RPRD1A: variants seen among roughly 807,000 people sequenced by gnomAD.
RPRD1A encodes the protein regulation of nuclear pre-mRNA domain containing 1A, also known as regulation of nuclear pre-mRNA domain-containing protein 1A.
RPRD1A carries 9 observed loss-of-function variants against 37.8 expected under a neutral mutation model. The observed-to-expected ratio is 0.24, with a 90% CI of 0.14 to 0.42. RPRD1A has a LOEUF of 0.42. Among genes scored for constraint, RPRD1A ranks in the 10% least tolerant of loss-of-function variants. The probability of loss-of-function intolerance (pLI) is 1.00; values close to 1 mark genes in which losing one functional copy is unlikely to be tolerated. For synonymous variants in RPRD1A, 138 were observed against 139.7 expected (o/e 0.99, Z 0.08); for missense variants, 255 against 371.0 (o/e 0.69, Z 2.57).
chr18:36,007,594 A>G (rs1016484215), intron 6 of RPRD1A, among the ~76,000 whole-genome samples: 2 of 152,176 alleles, frequency 1.3e-5, no homozygotes, highest in Admixed American at 1.3e-4. Flanking sequence ...AAGTTGATAA[A>G]AATGAGATCA....
chr18:36,062,342 A>AAAC (rs2088931901), intron 1 of RPRD1A, among the ~76,000 whole-genome samples: 1 of 151,014 alleles, frequency 6.6e-6, no homozygotes, highest in African/African-American at 2.4e-5. Flanking sequence ...AAAAAAAAAA[A>AAAC]AAAAAACATG....
intron 6 of RPRD1A, among the ~76,000 whole-genome samples, chr18:36,010,725 G>A (rs571790023): frequency 1.2e-4 from 18 of 152,274 alleles, no homozygotes; most frequent in Middle Eastern, 3.4e-3. Context: ...AAAACACTTC[G>A]CACCAACTTG....
chr18:36,000,569 T>C (rs977406921), intron 6 of RPRD1A, among the ~76,000 whole-genome samples: 2 of 152,210 alleles, frequency 1.3e-5, no homozygotes, highest in African/African-American at 4.8e-5. Flanking sequence ...GTTAAATTAT[T>C]AGGGTAGATG....
intron 6 of RPRD1A, among the ~76,000 whole-genome samples, chr18:35,998,651 TG>T (rs1324950213): frequency 6.6e-6 from 1 of 152,208 alleles, no homozygotes; most frequent in Non-Finnish European, 1.5e-5. Context: ...TCAATTCCAC[TG>T]ATCATATCCA....
chr18:36,019,101 GA>G (rs1451778328), intron 6 of RPRD1A, among the ~76,000 whole-genome samples: 1 of 138,006 alleles, frequency 7.2e-6, no homozygotes, highest in African/African-American at 2.8e-5. Flanking sequence ...GGGGACCATT[GA>G]TTTTTTTTTT....
In RPRD1A at chr18:36,062,744, T is replaced by TA. The variant is rs570348106; in HGVS notation, c.151+4509_151+4510insT. On this transcript the variant is annotated intron_variant, in intron 1 of 6. Transcript: ENST00000399022. ...ATATGAAATGGTAAAAATAGTCCAATCTATAGAGGCAAAGTAAATTAGCAG... is the reference window on the plus strand; with the variant it reads ...ATATGAAATGGTAAAAATAGTCCAATACTATAGAGGCAAAGTAAATTAGCAG... Among the ~76,000 whole-genome samples, 30 of 152,228 alleles carry TA rather than the reference T, an allele frequency of 2.0e-4. No homozygotes were observed. In the East Asian group the frequency reaches 5.8e-3, roughly 29 times the overall value.
rs538339637 is a variant in RPRD1A, at chr18:36,053,088, G to A, written c.151+14166C>T. ...GTTGTCATGAGAGTCTGGAGACTAG[G>A]GGATAGAGGAGAAATAGAGAAAAGA... On this transcript the variant is annotated intron_variant, in intron 1 of 6. Transcript: ENST00000399022. Among the ~76,000 whole-genome samples the A allele has an allele frequency of 1.7e-4, 26 of 152,132 alleles. 1 individual carries two copies. The South Asian group carries it at 5.4e-3, about 32-fold the overall frequency.
intron 2 of RPRD1A, among the ~76,000 whole-genome samples, chr18:36,032,800 C>G (rs758960389): frequency 6.6e-6 from 1 of 151,882 alleles, no homozygotes; most frequent in African/African-American, 2.4e-5. Context: ...GGGACAAGTA[C>G]GGTGGGAAGC....
intron 6 of RPRD1A, among the ~76,000 whole-genome samples, chr18:36,010,458 A>G (rs900119274): frequency 3.9e-5 from 6 of 152,276 alleles, no homozygotes; most frequent in African/African-American, 1.2e-4. Context: ...GTGCCACTGC[A>G]CTCCAGCCTG....
intron 1 of RPRD1A, among the ~76,000 whole-genome samples, chr18:36,040,173 G>C (rs1912482133): frequency 6.6e-6 from 1 of 152,098 alleles, no homozygotes; most frequent in Non-Finnish European, 1.5e-5. Context: ...GTTTGAGTTA[G>C]GTGGAACTAT....
intron 6 of RPRD1A, among the ~76,000 whole-genome samples, chr18:36,016,760 CAGTT>C (rs899792340): frequency 5.9e-5 from 9 of 152,098 alleles, no homozygotes; most frequent in East Asian, 1.9e-4. Flanking sequence ...AAACGCTAAA[CAGTT>C]AGCTGGCTAA....
At chr18:36,041,698 T>C (rs934138456) in intron 1 of RPRD1A, among the ~76,000 whole-genome samples, 6 of 152,242 alleles carry the variant, frequency 3.9e-5, no homozygotes, top group African/African-American at 1.2e-4. Flanking sequence ...GCCTGTGGCA[T>C]TGTGGGGAAG....
chr18:36,006,474 G>C (rs754396091), intron 6 of RPRD1A, among the ~76,000 whole-genome samples: 4 of 152,216 alleles, frequency 2.6e-5, no homozygotes, highest in Admixed American at 1.3e-4. Flanking sequence ...GGCATTACAG[G>C]CATGAGCCAC....
At chr18:36,039,680 CTAAAT>C (rs1346685507) in intron 1 of RPRD1A, among the ~76,000 whole-genome samples, 4 of 152,172 alleles carry the variant, frequency 2.6e-5, no homozygotes, top group Non-Finnish European at 2.9e-5. Flanking sequence ...ATATCATAAT[CTAAAT>C]TAATCATCCA....
chr18:36,027,459 T>C (rs1034771288), intron 4 of RPRD1A, 149 bp from the exon 5 acceptor site: 41 of 768,852 alleles, frequency 5.3e-5, no homozygotes, highest in Admixed American at 1.7e-4. Flanking sequence ...ATTTCTTTCA[T>C]ATGTTAAGAA....
chr18:35,998,349 T>C, intron 6 of RPRD1A, among the ~76,000 whole-genome samples: 1 of 146,594 alleles, frequency 6.8e-6, no homozygotes, highest in South Asian at 2.2e-4. Context: ...AGAATGAAAC[T>C]GTCTCAAAAA....
Position 35,991,305 on chromosome 18 carries a change from G to A in RPRD1A, c.*1846C>T, listed in dbSNP as rs4799835. The stretch of plus-strand genomic sequence containing the variant: ...CTTACTTAGTATACTTTCATAACAT[G>A]TACAACCAGGTTTCATAATTGTGCA... On this transcript the variant is annotated 3_prime_UTR_variant, in exon 7 of 7. Coordinates refer to ENST00000399022, the MANE Select transcript of RPRD1A (RefSeq NM_018170.5). The A allele has an allele frequency of 0.22, 33,178 of 152,014 alleles. 3,660 individuals carry two copies. Among genetic ancestry groups the A allele is most frequent in the East Asian group, 0.25 (1,291 of 5,172 alleles). 9.4% of individuals were successfully genotyped at this position (152,014 alleles called of 1,614,324 possible).
chr18:36,054,428 T>C (rs1430157521), intron 1 of RPRD1A, among the ~76,000 whole-genome samples: 1 of 152,108 alleles, frequency 6.6e-6, no homozygotes, highest in Admixed American at 6.5e-5. Flanking sequence ...GAGGCAGAGG[T>C]TGCAGTGAGC....
chr18:36,038,654 C>T (rs944907767), intron 1 of RPRD1A, among the ~76,000 whole-genome samples: 2 of 152,196 alleles, frequency 1.3e-5, no homozygotes, highest in African/African-American at 2.4e-5. Flanking sequence ...TCCTCCAGAC[C>T]TCAGAATGGT....
Sources: gnomAD v4.1 joint callset for allele counts (sites outside exome capture counted in the v4.1 genomes callset) on GRCh38, gnomAD v4.1.1 for gene constraint, MANE v1.5 for transcripts, NCBI Gene and HGNC (gene_info 2026-07-23, HGNC 2026-07-21) for gene names.